INO80: variants seen among roughly 807,000 people sequenced by gnomAD.
The protein encoded by INO80 is chromatin-remodeling ATPase INO80.
In INO80, 20 loss-of-function variants were observed where a neutral mutation model predicts 203.4. That is an observed-to-expected ratio of 0.10 (90% CI 0.07 to 0.14). The LOEUF (loss-of-function observed/expected upper bound fraction) is 0.14. Among genes scored for constraint, INO80 ranks in the 10% least tolerant of loss-of-function variants. INO80 has a pLI of 1.00. For missense variants in INO80, 1,419 were observed against 1,914.4 expected (o/e 0.74, Z 4.83); for synonymous variants, 726 against 685.2 (o/e 1.06, Z -0.93).
intron 14 of INO80, among the ~76,000 whole-genome samples, chr15:41,068,192 CAGA>C (rs1463861950): frequency 2.0e-5 from 3 of 152,052 alleles, no homozygotes; most frequent in African/African-American, 7.2e-5. Flanking sequence ...GAGGCTGACG[CAGA>C]AGGATGACTA....
At chr15:41,058,284 G>C (rs752590258) in intron 16 of INO80, among the ~76,000 whole-genome samples, 1 of 152,104 alleles carries the variant, frequency 6.6e-6, no homozygotes, top group Non-Finnish European at 1.5e-5. Context: ...TAACATTTGT[G>C]TTCCATGAAA....
intron 15 of INO80, among the ~76,000 whole-genome samples, 175 bp from the exon 16 acceptor site, chr15:41,058,956 T>C (rs377181035): frequency 1.3e-5 from 2 of 152,172 alleles, no homozygotes; most frequent in East Asian, 3.9e-4. Context: ...GTTTTGTCTG[T>C]TGTTTTGCTG....
intron 7 of INO80, among the ~76,000 whole-genome samples, chr15:41,082,461 G>A (rs2045500071): frequency 6.6e-6 from 1 of 152,086 alleles, no homozygotes; most frequent in African/African-American, 2.4e-5. Context: ...AGCACTTTGG[G>A]AGGCCGAGGT....
At chr15:41,085,298 A>C (rs1377933581) in intron 7 of INO80, 71 bp downstream of exon 7, 4 of 1,302,732 alleles carry the variant, frequency 3.1e-6, no homozygotes, top group East Asian at 2.3e-5. Flanking sequence ...TCTAGCTCTC[A>C]GAGTTCCTCT....
At chr15:41,013,715 G>A (rs2044163912) in intron 27 of INO80, among the ~76,000 whole-genome samples, 1 of 152,196 alleles carries the variant, frequency 6.6e-6, no homozygotes, top group East Asian at 1.9e-4. Context: ...AGAACCATTA[G>A]TGTAGTATTA....
At chr15:41,022,634 G>C (rs568759972) in intron 25 of INO80, among the ~76,000 whole-genome samples, 5 of 152,286 alleles carry the variant, frequency 3.3e-5, no homozygotes, top group Middle Eastern at 3.4e-3. Context: ...GAGTACTCTG[G>C]CTTGCAGATG....
In INO80 at chr15:40,985,263, C is replaced by T. The variant is rs750139950; in HGVS notation, c.3921+75G>A. 1.3e-4 allele frequency: 128 copies of T among 1,000,506 alleles called. 1 individual carries two copies. Among genetic ancestry groups the T allele is most frequent in the South Asian group, 7.3e-4 (57 of 77,866 alleles). 62.0% of individuals were successfully genotyped at this position (1,000,506 alleles called of 1,614,324 possible). On this transcript the variant is annotated intron_variant, in intron 32 of 35. Transcript: ENST00000648947. ...GCAACCAGTAACCAAGATGAGAAGC[C>T]ATGTACCCCAAAGCCTTTTTGGTAA...
rs2140602404 is a variant in INO80 at position 41,073,467 on chromosome 15, C to G, written c.1356G>C (p.Leu452=). ...YDSNHFKAQA[L]KNAENAYHIH... is the part of the protein sequence containing the mutation. ...TATGGTAAGCATTTTCAGCATTCTT[C>G]AGGGCCTGGGCTTTAAAATGGTTAC... Residue 452 remains leucine (L), a synonymous_variant, in exon 11 of 36, where the codon CTG becomes CTC. Transcript: ENST00000648947. 1 of 1,614,096 alleles carries G rather than the reference C, an allele frequency of 6.2e-7. No individual in the cohort carries two copies. Among genetic ancestry groups the G allele is most frequent in the Non-Finnish European group, 8.5e-7 (1 of 1,179,972 alleles).
At chr15:41,016,981 C>G (rs979673262) in intron 26 of INO80, 1 of 152,238 alleles carries the variant, frequency 6.6e-6, no homozygotes, top group African/African-American at 2.4e-5. Context: ...GTACCCAGCC[C>G]CCCTACCCTT....
intron 24 of INO80, among the ~76,000 whole-genome samples, chr15:41,044,368 TA>T (rs1041288495): frequency 2.6e-5 from 4 of 152,030 alleles, no homozygotes; most frequent in African/African-American, 7.2e-5. Flanking sequence ...TTCATAGCCA[TA>T]AAAAAAGAAT....
intron 27 of INO80, among the ~76,000 whole-genome samples, chr15:41,007,338 A>G (rs1279762555): frequency 6.6e-6 from 1 of 151,670 alleles, no homozygotes; most frequent in Non-Finnish European, 1.5e-5. Flanking sequence ...AACTGCCACC[A>G]CACCTGGCTA....
intron 4 of INO80, among the ~76,000 whole-genome samples, chr15:41,092,580 C>T (rs2045661229): frequency 6.6e-6 from 1 of 151,872 alleles, no homozygotes. Flanking sequence ...AGAAATATCC[C>T]AAATATCCAT....
At chr15:41,053,400 C>T (rs142484845) in intron 19 of INO80, among the ~76,000 whole-genome samples, 6 of 152,162 alleles carry the variant, frequency 3.9e-5, no homozygotes, top group South Asian at 4.1e-4. Flanking sequence ...CCACCGTGCC[C>T]GGCTACAAAT....
intron 20 of INO80, 134 bp downstream of exon 20, chr15:41,049,801 G>C (rs989205388): frequency 9.0e-6 from 7 of 773,896 alleles, no homozygotes; most frequent in African/African-American, 3.5e-5. Flanking sequence ...CAGGAGAATT[G>C]CCTGAACCTG....
chr15:41,104,353 C>T (rs1268552085), intron 1 of INO80, among the ~76,000 whole-genome samples: 1 of 151,958 alleles, frequency 6.6e-6, no homozygotes, highest in East Asian at 1.9e-4. Context: ...ACACCCTGAA[C>T]TCTGGCTCAT....
chr15:41,099,183 T>A (rs1341628445), intron 1 of INO80, among the ~76,000 whole-genome samples: 1 of 130,788 alleles, frequency 7.6e-6, no homozygotes, highest in African/African-American at 2.9e-5. Flanking sequence ...AAGTCAAGGC[T>A]GCAGTGAGCT....
chr15:41,100,720 G>C (rs973505999), intron 1 of INO80, among the ~76,000 whole-genome samples: 4 of 152,028 alleles, frequency 2.6e-5, no homozygotes, highest in African/African-American at 9.7e-5. Context: ...TTTCTTTATG[G>C]TGGCAAAAGA....
chr15:41,075,582 G>C (rs2045390990), intron 9 of INO80, among the ~76,000 whole-genome samples: 1 of 152,170 alleles, frequency 6.6e-6, no homozygotes, highest in Non-Finnish European at 1.5e-5. Context: ...AGCCTCCTGA[G>C]TAGCTGGGAC....
Position 41,059,113 on chromosome 15 carries a change from G to A in INO80, c.1843-332C>T, listed in dbSNP as rs570534767. The stretch of plus-strand genomic sequence containing the variant: ...ACTACAGGCATATACCACCATGCCC[G>A]GCTAATTTTTTTATTTTATTTTATT... On this transcript the variant is annotated intron_variant, in intron 15 of 35. Coordinates refer to ENST00000648947, the MANE Select transcript of INO80 (RefSeq NM_017553.3). Among the ~76,000 whole-genome samples the A allele has an allele frequency of 3.4e-4, 51 of 151,810 alleles. No homozygotes were observed. In the Middle Eastern group the frequency reaches 0.01, roughly 30 times the overall value.
Sources: gnomAD v4.1 joint callset for allele counts (sites outside exome capture counted in the v4.1 genomes callset) on GRCh38, gnomAD v4.1.1 for gene constraint, MANE v1.5 for transcripts, NCBI Gene and HGNC (gene_info 2026-07-23, HGNC 2026-07-21) for gene names.